AGL: variants seen among roughly 807,000 people sequenced by gnomAD.
The protein encoded by AGL is amylo-alpha-1,6-glucosidase and 4-alpha-glucanotransferase.
In AGL, 128 loss-of-function variants were observed where a neutral mutation model predicts 199.3. The observed-to-expected ratio is 0.64, with a 90% confidence interval of 0.56 to 0.74. AGL has a LOEUF of 0.74. Among genes scored for constraint, AGL ranks in the 30% least tolerant of loss-of-function variants. The pLI is 0.00. For synonymous variants in AGL, 584 were observed against 594.7 expected, an observed-to-expected ratio of 0.98 and a Z score of 0.26; for missense variants, 1,809 against 1,820.8, an observed-to-expected ratio of 0.99 and a Z score of 0.12.
In AGL at chr1:99,859,447, C is replaced by T. The variant is rs1405445038; in HGVS notation, c.83-2056C>T. ...GTATTATGGTGTATGTACTCTACCT[C>T]CCTGCCTACTGCCATGTTTCAGCCA... is the stretch of plus-strand genomic sequence containing the variant. On this transcript the variant is annotated intron_variant, in intron 2 of 33. Transcript: ENST00000361915. Among the ~76,000 whole-genome samples, 3 of 151,888 alleles carry T rather than the reference C, an allele frequency of 2.0e-5. No homozygotes were observed. In the East Asian group the frequency reaches 5.8e-4, roughly 29 times the overall value.
At chr1:99,857,489 G>C (rs1420599572) in intron 2 of AGL, among the ~76,000 whole-genome samples, 1 of 151,972 alleles carries the variant, frequency 6.6e-6, no homozygotes, top group East Asian at 1.9e-4. Context: ...GTAGTGAGCC[G>C]AGATCACGCC....
In AGL at chr1:99,880,724, AG is replaced by A. The variant is rs2101148971; in HGVS notation, c.1830del (p.Arg610SerfsTer3). The A allele has an allele frequency of 6.2e-7, 1 of 1,614,052 alleles. No homozygotes were observed. The highest frequency in any genetic ancestry group is 8.5e-7 in the Non-Finnish European group (1 of 1,179,964). On this transcript the variant is annotated frameshift_variant, in exon 14 of 34. Transcript: ENST00000361915. LOFTEE classifies it high-confidence loss of function. ...PVGSFVQPCL[R>X]PLMPAIAHAL... ...TGGATCCTTTGTTCAGCCCTGTTTG[AG>A]GCCTTTAATGCCAGCTATTGCACAT...
At position 99,875,463 on chromosome 1, in the gene AGL, A is replaced by C. The variant is rs933362509; in HGVS notation, c.1283+8A>C. The C allele has an allele frequency of 1.2e-6, 2 of 1,613,348 alleles. No homozygotes were observed. The highest frequency in any genetic ancestry group is 3.3e-5 in the Admixed American group (2 of 59,992). On this transcript the variant is annotated splice_region_variant and intron_variant, in intron 10 of 33. Coordinates refer to ENST00000361915, the MANE Select transcript of AGL (RefSeq NM_000642.3). ...GCATCCTTTAGTTACCAGGTGTTGC[A>C]TTTTTGTTTTTTTTCTTATTGATGG...
chr1:99,922,026 G>A lies in AGL; in HGVS notation c.*375G>A, dbSNP rs1299087661. 5.7e-6 allele frequency: 1 copy of A among 174,856 alleles called. No homozygotes were observed. The highest frequency in any genetic ancestry group is 5.7e-5 in the Admixed American group (1 of 17,540). The allele number at this position is 174,856 out of a possible 1,614,324, so 10.8% of individuals were successfully genotyped here. A position where few individuals can be genotyped will look rare whatever the true frequency, so the allele number is the denominator to read the frequency against. On this transcript the variant is annotated 3_prime_UTR_variant, in exon 34 of 34. Transcript: ENST00000361915. Reference sequence around the variant, plus strand: ...TTAATTGTGGTATATATAATCTTCAGTAACAATACATACTGAATACGCTGT... The same window carrying A: ...TTAATTGTGGTATATATAATCTTCAATAACAATACATACTGAATACGCTGT...
At chr1:99,886,121 A>G (rs969606489) in intron 20 of AGL, among the ~76,000 whole-genome samples, 2 of 152,200 alleles carry the variant, frequency 1.3e-5, no homozygotes, top group Admixed American at 6.5e-5. Flanking sequence ...GTTTAAGGGC[A>G]TGGAGTATAG....
chr1:99,859,429 G>T (rs1649843717), intron 2 of AGL, among the ~76,000 whole-genome samples: 2 of 150,474 alleles, frequency 1.3e-5, no homozygotes, highest in African/African-American at 2.5e-5. Context: ...GTAGTATTAT[G>T]GTGTATGTAC....
rs1245600149 is a variant in AGL, at chr1:99,881,146, C to G, written c.1970C>G (p.Thr657Arg). 2 of 1,613,872 alleles carry G rather than the reference C, an allele frequency of 1.2e-6. No individual in the cohort carries two copies. Among genetic ancestry groups the G allele is most frequent in the Non-Finnish European group, 1.7e-6 (2 of 1,179,890 alleles). Residue 657 changes from threonine (T) to arginine (R), a missense_variant, in exon 15 of 34, where the codon ACA (threonine) becomes AGA (arginine). Physicochemically the swap from Thr to Arg is moderately conservative, Grantham distance 71 (BLOSUM62 -1). Transcript: ENST00000361915. Reference protein sequence around the residue: ...VSMACCASGSTRGYDELVPHQ... With the variant: ...VSMACCASGSRRGYDELVPHQ... Reference sequence around the variant, plus strand: ...ATGGCATGTTGTGCTAGTGGAAGTACAAGAGGCTATGATGAATTAGTGCCT... The same window carrying G: ...ATGGCATGTTGTGCTAGTGGAAGTAGAAGAGGCTATGATGAATTAGTGCCT...
chr1:99,861,186 A>G (rs762209526), intron 2 of AGL: 594 of 1,213,354 alleles, frequency 4.9e-4, no homozygotes, highest in Non-Finnish European at 5.8e-4. Flanking sequence ...AGGGGTGAGG[A>G]TGGGGGATCA....
At chr1:99,880,968 A>G in intron 14 of AGL, 108 bp from the exon 15 acceptor site, 3 of 1,232,630 alleles carry the variant, frequency 2.4e-6, no homozygotes, top group South Asian at 1.3e-5. Context: ...AAATTAATTT[A>G]CCTTATGAAT....
intron 31 of AGL, 37 bp from the exon 32 acceptor site, chr1:99,916,373 C>T (rs916036965): frequency 6.9e-7 from 1 of 1,446,770 alleles, no homozygotes; most frequent in Admixed American, 1.8e-5. Flanking sequence ...AATATCTGAT[C>T]ATCTTTTATT....
Position 99,862,295 on chromosome 1 carries a change from C to G in AGL, c.332C>G (p.Pro111Arg). The change falls in exon 4 of 34, where the codon CCC becomes CGC. Residue 111 changes from proline (P) to arginine (R), a missense_variant. By Grantham distance (103) the Pro-to-Arg change is moderately radical. Transcript: ENST00000361915. ...GGTGGAGGTTACATAGTTGTGGACC[C>G]CATTTTACGTGTTGGTGCTGATAAT... Reference protein sequence around the residue: ...KSGGGYIVVDPILRVGADNHV... With the variant: ...KSGGGYIVVDRILRVGADNHV... The G allele has an allele frequency of 6.2e-7, 1 of 1,613,864 alleles. No individual in the cohort carries two copies. Among genetic ancestry groups the G allele is most frequent in the East Asian group, 2.2e-5 (1 of 44,844 alleles).
chr1:99,904,839 C>G (rs186729311), intron 27 of AGL, among the ~76,000 whole-genome samples: 67 of 152,156 alleles, frequency 4.4e-4, no homozygotes, highest in African/African-American at 1.6e-3. Context: ...ATGCATATAC[C>G]AGTATTTATT....
chr1:99,913,999 T>C (rs1298379839), intron 30 of AGL, among the ~76,000 whole-genome samples: 2 of 152,122 alleles, frequency 1.3e-5, no homozygotes, highest in East Asian at 1.9e-4. Flanking sequence ...AGAGCACACA[T>C]AGAAGATGTT....
intron 2 of AGL, 66 bp from the exon 3 acceptor site, chr1:99,861,437 C>G (rs376221144): frequency 1.5e-4 from 247 of 1,605,866 alleles, no homozygotes; most frequent in Non-Finnish European, 1.9e-4. Flanking sequence ...TTAAATAAAA[C>G]ATCTGTTTTT....
chr1:99,896,290 A>C lies in AGL; in HGVS notation c.3264A>C (p.Leu1088Phe). Reference sequence around the variant, plus strand: ...TTGTTGTGTTTTTTTTGTTAGGCTTACCTCATTTTTCTTCTGGTATTTTCC... The same window carrying C: ...TTGTTGTGTTTTTTTTGTTAGGCTTCCCTCATTTTTCTTCTGGTATTTTCC... ...EQCCVSLAAG[L>F]PHFSSGIFRC... Residue 1088 changes from leucine to phenylalanine, a missense_variant, in exon 25 of 34, where the codon TTA becomes TTC. Leu to Phe is a conservative substitution (Grantham distance 22). Coordinates refer to ENST00000361915, the MANE Select transcript of AGL (RefSeq NM_000642.3). The C allele has an allele frequency of 1.2e-6, 2 of 1,612,434 alleles. No individual in the cohort carries two copies. The highest frequency in any genetic ancestry group is 1.7e-6 in the Non-Finnish European group (2 of 1,178,776).
At chr1:99,894,708 G>A (rs1231713304) in intron 24 of AGL, among the ~76,000 whole-genome samples, 1 of 152,052 alleles carries the variant, frequency 6.6e-6, no homozygotes, top group Non-Finnish European at 1.5e-5. Flanking sequence ...AGTACACTCA[G>A]GAATTGCCAA....
chr1:99,913,773 T>C lies in AGL; in HGVS notation c.4161+35T>C, dbSNP rs752740084. On this transcript the variant is annotated intron_variant, in intron 30 of 33. Coordinates refer to ENST00000361915, the MANE Select transcript of AGL (RefSeq NM_000642.3). ...TCGTTTGTAAAAACATTTCAAAAAATGATGTGCTAGAGTTTGCTTAGTTCC... is the reference window on the plus strand; with the variant it reads ...TCGTTTGTAAAAACATTTCAAAAAACGATGTGCTAGAGTTTGCTTAGTTCC... 3.5e-5 allele frequency: 55 copies of C among 1,593,654 alleles called. No individual in the cohort carries two copies. In the South Asian group the frequency reaches 5.3e-4, roughly 15 times the overall value.
chr1:99,921,950 C>A lies in AGL; in HGVS notation c.*299C>A. The A allele has an allele frequency of 2.8e-5, 6 of 213,208 alleles. No homozygotes were observed. Among genetic ancestry groups the A allele is most frequent in the South Asian group, 2.4e-4 (2 of 8,476 alleles). The allele number at this position is 213,208 out of a possible 1,614,324, so 13.2% of individuals were successfully genotyped here. A position where few individuals can be genotyped will look rare whatever the true frequency, so the allele number is the denominator to read the frequency against. On this transcript the variant is annotated 3_prime_UTR_variant, in exon 34 of 34. Transcript: ENST00000361915. The stretch of plus-strand genomic sequence containing the variant: ...AAAATCATGTCATCTTCTATTTGTA[C>A]AGAAATGAAAATAAAATATGAAAAT...
intron 21 of AGL, among the ~76,000 whole-genome samples, chr1:99,890,988 T>C (rs1652848089): frequency 1.3e-5 from 2 of 152,174 alleles, no homozygotes; most frequent in African/African-American, 4.8e-5. Flanking sequence ...TTTATATCTC[T>C]TGTGACAGTA....
Sources: allele counts gnomAD v4.1 joint callset (sites outside exome capture counted in the v4.1 genomes callset), GRCh38; gene constraint gnomAD v4.1.1; transcripts MANE v1.5; gene names NCBI Gene and HGNC (gene_info 2026-07-23, HGNC 2026-07-21).